DDX19A: variants seen among roughly 807,000 people sequenced by gnomAD.
DDX19A encodes the protein DEAD-box helicase 19A.
DDX19A carries 12 observed loss-of-function variants against 60.6 expected under a neutral mutation model. The observed-to-expected ratio is 0.20, with a 90% CI of 0.13 to 0.32. DDX19A has a LOEUF of 0.32. Ranked by LOEUF, DDX19A falls within the 10% of genes least tolerant of loss-of-function variation. The pLI, the probability that DDX19A is intolerant of heterozygous loss-of-function variation, is 1.00. For missense variants in DDX19A, 337 were observed against 600.6 expected (o/e 0.56, Z 4.59); for synonymous variants, 206 against 218.2 (o/e 0.94, Z 0.49).
rs368971017 is a variant in DDX19A at position 70,365,146 on chromosome 16, C to T, written c.604+15C>T. On this transcript the variant is annotated intron_variant, in intron 7 of 11. Coordinates refer to ENST00000302243, the MANE Select transcript of DDX19A (RefSeq NM_018332.5). Reference sequence around the variant, plus strand: ...AGGCAATAAATGTGAGTACGGCAGGCGACAACTGAACAGTGAGCAGGGTAG... The same window carrying T: ...AGGCAATAAATGTGAGTACGGCAGGTGACAACTGAACAGTGAGCAGGGTAG... 5.8e-5 allele frequency: 91 copies of T among 1,561,510 alleles called. No individual in the cohort carries two copies. The highest frequency in any genetic ancestry group is 7.8e-5 in the Non-Finnish European group (88 of 1,132,452).
intron 2 of DDX19A, among the ~76,000 whole-genome samples, chr16:70,354,271 C>T (rs372933113): frequency 8.5e-4 from 129 of 152,076 alleles, no homozygotes; most frequent in Admixed American, 1.8e-3. Flanking sequence ...TCAGCCTTCC[C>T]GAATAGCTGG....
At chr16:70,364,693 C>T (rs781060162) in intron 6 of DDX19A, 48 bp downstream of exon 6, 8 of 1,385,616 alleles carry the variant, frequency 5.8e-6, no homozygotes, top group Middle Eastern at 1.8e-4. Context: ...CCCTGGGGAG[C>T]GCAGTGCCAT....
chr16:70,368,304 G>C (rs958241762), intron 9 of DDX19A, among the ~76,000 whole-genome samples: 1 of 151,744 alleles, frequency 6.6e-6, no homozygotes, highest in African/African-American at 2.4e-5. Context: ...AGTCTATCTA[G>C]CTCTGTCACC....
chr16:70,350,989 C>T (rs1171722192), intron 2 of DDX19A, among the ~76,000 whole-genome samples: 1 of 151,326 alleles, frequency 6.6e-6, no homozygotes. Context: ...AACCATTCTC[C>T]TGCCTCAGCC....
At position 70,366,774 on chromosome 16, in the gene DDX19A, C is replaced by T; in HGVS notation, c.933C>T (p.Val311=). 1 of 1,614,218 alleles carries T rather than the reference C, an allele frequency of 6.2e-7. No individual in the cohort carries two copies. Among genetic ancestry groups the T allele is most frequent in the East Asian group, 2.2e-5 (1 of 44,882 alleles). Residue 311 remains valine, a synonymous_variant, in exon 9 of 12, where the codon GTC becomes GTT. Coordinates refer to ENST00000302243, the MANE Select transcript of DDX19A (RefSeq NM_018332.5). ...ETLDTIKQYY[V]LCSSRDEKFQ... ...TGGATACCATCAAGCAGTACTATGTCCTGTGCAGCAGCAGAGACGAGAAGT... is the reference window on the plus strand; with the variant it reads ...TGGATACCATCAAGCAGTACTATGTTCTGTGCAGCAGCAGAGACGAGAAGT...
chr16:70,362,994 A>C (rs1964413437), intron 5 of DDX19A, among the ~76,000 whole-genome samples: 1 of 147,952 alleles, frequency 6.8e-6, no homozygotes, highest in Non-Finnish European at 1.5e-5. Flanking sequence ...AGCCTGGGCG[A>C]CAGAGTAAGA....
chr16:70,351,315 C>T (rs2152223891), intron 2 of DDX19A, among the ~76,000 whole-genome samples: 1 of 152,056 alleles, frequency 6.6e-6, no homozygotes, highest in East Asian at 1.9e-4. Flanking sequence ...AAGAGATCCT[C>T]CCACCTCAGC....
intron 3 of DDX19A, 161 bp from the exon 4 acceptor site, chr16:70,355,951 C>A (rs1173872702): frequency 3.4e-6 from 3 of 885,106 alleles, no homozygotes; most frequent in East Asian, 2.6e-5. Context: ...GACAGCAAGA[C>A]CCCATCTCTA....
At chr16:70,350,994 T>G (rs1963995449) in intron 2 of DDX19A, among the ~76,000 whole-genome samples, 1 of 150,984 alleles carries the variant, frequency 6.6e-6, no homozygotes, top group South Asian at 2.1e-4. Context: ...TTCTCCTGCC[T>G]CAGCCTCCCG....
chr16:70,356,948 T>TAAAA, intron 4 of DDX19A: 2 of 786,716 alleles, frequency 2.5e-6, no homozygotes, highest in East Asian at 8.3e-5. Context: ...GTTTTTTTTT[T>TAAAA]ACAAAAAAAA....
At chr16:70,366,429 A>G (rs1964521895) in intron 8 of DDX19A, 167 bp downstream of exon 8, 8 of 1,270,666 alleles carry the variant, frequency 6.3e-6, no homozygotes, top group Non-Finnish European at 7.6e-6. Context: ...AGTCCCTCCC[A>G]ACCTGGGTTG....
chr16:70,372,063 C>T lies in DDX19A; in HGVS notation c.*77C>T, dbSNP rs1046876153. 2.6e-5 allele frequency: 41 copies of T among 1,606,722 alleles called. No individual in the cohort carries two copies. Among genetic ancestry groups the T allele is most frequent in the African/African-American group, 6.7e-5 (5 of 74,702 alleles). On this transcript the variant is annotated 3_prime_UTR_variant, in exon 12 of 12. Coordinates refer to ENST00000302243, the MANE Select transcript of DDX19A (RefSeq NM_018332.5). ...ACAAGTGCATTTAGGGCACAGGCCC[C>T]GACATCACCCCAAGGACAACGGCAG...
At chr16:70,355,731 G>A in intron 3 of DDX19A, 196 bp downstream of exon 3, 1 of 601,964 alleles carries the variant, frequency 1.7e-6, no homozygotes, top group South Asian at 2.0e-5. Flanking sequence ...GGAGGCCGAG[G>A]TGGGAGGATT....
chr16:70,368,225 C>T (rs973279666), intron 9 of DDX19A, among the ~76,000 whole-genome samples: 1 of 152,098 alleles, frequency 6.6e-6, no homozygotes, highest in Non-Finnish European at 1.5e-5. Flanking sequence ...AGTAATATAT[C>T]TCTCAAATAT....
At chr16:70,348,400 C>T (rs1274198533) in intron 1 of DDX19A, among the ~76,000 whole-genome samples, 1 of 151,866 alleles carries the variant, frequency 6.6e-6, no homozygotes, top group Non-Finnish European at 1.5e-5. Flanking sequence ...CCGAGGCGGG[C>T]AGATCACTCG....
rs764528506 is a variant in DDX19A, at chr16:70,350,540, C to A, written c.58-17C>A. Reference sequence around the variant, plus strand: ...TGGGTCCTTTGCTTAACTCTGTTTTCTTTTATTTCTATTCAGATGACCAAT... The same window carrying A: ...TGGGTCCTTTGCTTAACTCTGTTTTATTTTATTTCTATTCAGATGACCAAT... On this transcript the variant is annotated splice_polypyrimidine_tract_variant and intron_variant, in intron 1 of 11. Coordinates refer to ENST00000302243, the MANE Select transcript of DDX19A (RefSeq NM_018332.5). The A allele has an allele frequency of 6.9e-6, 11 of 1,603,438 alleles. No homozygotes were observed. The highest frequency in any genetic ancestry group is 8.5e-6 in the Non-Finnish European group (10 of 1,175,060).
intron 9 of DDX19A, 79 bp downstream of exon 9, chr16:70,366,940 C>G: frequency 6.5e-7 from 1 of 1,535,204 alleles, no homozygotes; most frequent in Non-Finnish European, 8.9e-7. Flanking sequence ...ACTGGATGCC[C>G]CTGAGCGCCA....
intron 6 of DDX19A, 178 bp from the exon 7 acceptor site, chr16:70,364,839 C>T: frequency 1.5e-6 from 1 of 668,522 alleles, no homozygotes; most frequent in South Asian, 1.9e-5. Flanking sequence ...CTTGCAAAGG[C>T]CTCTGCCAAG....
intron 1 of DDX19A, among the ~76,000 whole-genome samples, chr16:70,348,793 T>G (rs376688900): frequency 6.6e-6 from 1 of 151,620 alleles, no homozygotes; most frequent in South Asian, 2.1e-4. Flanking sequence ...ACAAAAAAAA[T>G]TAGCTGGGCG....
Sources: gnomAD v4.1 joint callset for allele counts (sites outside exome capture counted in the v4.1 genomes callset) on GRCh38, gnomAD v4.1.1 for gene constraint, MANE v1.5 for transcripts, NCBI Gene and HGNC (gene_info 2026-07-23, HGNC 2026-07-21) for gene names.